Variants in COL28A1 observed in about 807,000 individuals in gnomAD.
COL28A1 encodes the protein collagen alpha-1(XXVIII) chain.
COL28A1 carries 161 observed loss-of-function variants against 150.2 expected under a neutral mutation model. That is an observed-to-expected ratio of 1.07 (90% confidence interval 0.94 to 1.22). The LOEUF is 1.22. Among genes scored for constraint, COL28A1 ranks in the 50% most tolerant of loss-of-function variants. The probability of loss-of-function intolerance (pLI) is 0.00; values close to 1 mark genes in which losing one functional copy is unlikely to be tolerated. For missense variants in COL28A1, 1,617 were observed against 1,388.3 expected (o/e 1.16, Z -2.62); for synonymous variants, 552 against 469.7 (o/e 1.18, Z -2.26).
At chr7:7,499,717 A>G (rs2115086736) in intron 11 of COL28A1, among the ~76,000 whole-genome samples, 1 of 152,308 alleles carries the variant, frequency 6.6e-6, no homozygotes, top group African/African-American at 2.4e-5. Flanking sequence ...AAAGTTTAAA[A>G]TTCTTTATAA....
the COL28A1 span, among the ~76,000 whole-genome samples, chr7:7,350,225 G>C: frequency 6.6e-6 from 1 of 152,080 alleles, no homozygotes; most frequent in African/African-American, 2.4e-5. Flanking sequence ...AGATAGACCA[G>C]ACCCACTGAG....
chr7:7,494,963 T>C (rs1780123835), intron 11 of COL28A1, among the ~76,000 whole-genome samples: 1 of 152,038 alleles, frequency 6.6e-6, no homozygotes. Context: ...AGGCTTAAAA[T>C]GGTGTTAAAT....
intron 18 of COL28A1, among the ~76,000 whole-genome samples, chr7:7,449,487 G>GTCATT (rs1786514581): frequency 6.6e-6 from 1 of 151,758 alleles, no homozygotes; most frequent in Non-Finnish European, 1.5e-5. Flanking sequence ...TTCTTTTGAA[G>GTCATT]TCATTTCTTT....
chr7:7,541,306 G>A, the COL28A1 span, among the ~76,000 whole-genome samples: 1 of 151,948 alleles, frequency 6.6e-6, no homozygotes, highest in East Asian at 1.9e-4. Context: ...AAGGGGACTT[G>A]AGGTGAATTT....
intron 27 of COL28A1, among the ~76,000 whole-genome samples, chr7:7,405,323 T>C (rs1290129369): frequency 1.3e-5 from 2 of 152,162 alleles, no homozygotes; most frequent in Non-Finnish European, 2.9e-5. Flanking sequence ...ATATGATTGT[T>C]CACAAAATCA....
At chr7:7,454,422 G>T (rs1786969564) in intron 16 of COL28A1, among the ~76,000 whole-genome samples, 1 of 152,092 alleles carries the variant, frequency 6.6e-6, no homozygotes, top group Admixed American at 6.6e-5. Context: ...TTCTTGCTCA[G>T]ATCATTTTAC....
chr7:7,437,569 AC>A, intron 21 of COL28A1, 107 bp from the exon 22 acceptor site: 1 of 1,405,996 alleles, frequency 7.1e-7, no homozygotes, highest in Non-Finnish European at 9.3e-7. Flanking sequence ...TTATGTTATG[AC>A]CTCTATCTGT....
intron 1 of COL28A1, among the ~76,000 whole-genome samples, chr7:7,534,424 A>G (rs1782535917): frequency 6.6e-6 from 1 of 152,188 alleles, no homozygotes; most frequent in Non-Finnish European, 1.5e-5. Context: ...AGGTTAGTGT[A>G]AAGATAAGGC....
At chr7:7,496,035 C>T (rs1189040956) in intron 11 of COL28A1, among the ~76,000 whole-genome samples, 3 of 152,158 alleles carry the variant, frequency 2.0e-5, no homozygotes, top group African/African-American at 7.2e-5. Flanking sequence ...TTCTGTCTGT[C>T]TGGGATGCTC....
At chr7:7,368,218 A>G (rs1490431991) in intron 33 of COL28A1, among the ~76,000 whole-genome samples, 1 of 152,040 alleles carries the variant, frequency 6.6e-6, no homozygotes, top group Non-Finnish European at 1.5e-5. Flanking sequence ...CCTATAGATG[A>G]AGTTCAAGCT....
At chr7:7,424,395 A>T (rs1037392190) in intron 25 of COL28A1, among the ~76,000 whole-genome samples, 8 of 152,146 alleles carry the variant, frequency 5.3e-5, no homozygotes, top group African/African-American at 1.9e-4. Flanking sequence ...TTGCTTGGCC[A>T]TTTGACGGCA....
intron 27 of COL28A1, among the ~76,000 whole-genome samples, chr7:7,384,572 T>C (rs1248099747): frequency 3.3e-5 from 5 of 152,210 alleles, no homozygotes; most frequent in Non-Finnish European, 7.3e-5. Context: ...TCTCCTACTG[T>C]GCCTAATTTT....
intron 11 of COL28A1, among the ~76,000 whole-genome samples, chr7:7,503,005 T>G (rs1780620151): frequency 6.6e-6 from 1 of 152,170 alleles, no homozygotes; most frequent in East Asian, 1.9e-4. Flanking sequence ...TTCCTGCACT[T>G]TCAGATGAAG....
At chr7:7,491,386 A>G (rs1779905790) in intron 11 of COL28A1, among the ~76,000 whole-genome samples, 1 of 152,168 alleles carries the variant, frequency 6.6e-6, no homozygotes, top group Non-Finnish European at 1.5e-5. Flanking sequence ...TCTTGTAACT[A>G]TGAGGCAGCA....
At chr7:7,487,569 C>G (rs969958253) in intron 13 of COL28A1, among the ~76,000 whole-genome samples, 4 of 152,042 alleles carry the variant, frequency 2.6e-5, no homozygotes, top group African/African-American at 9.7e-5. Flanking sequence ...CAGAGCAAGA[C>G]TCTCTTAAAA....
chr7:7,464,872 G>C (rs1583438309), intron 15 of COL28A1, among the ~76,000 whole-genome samples: 2 of 152,150 alleles, frequency 1.3e-5, no homozygotes, highest in East Asian at 3.9e-4. Context: ...TCTTTGAAAA[G>C]ATAAATTGAT....
intron 11 of COL28A1, 125 bp from the exon 12 acceptor site, chr7:7,490,771 C>G (rs369657668): frequency 4.1e-6 from 2 of 492,062 alleles, no homozygotes. Flanking sequence ...GTACATCGTG[C>G]CTGCCCTCAA....
At chr7:7,498,465 G>A (rs1780338622) in intron 11 of COL28A1, among the ~76,000 whole-genome samples, 1 of 152,152 alleles carries the variant, frequency 6.6e-6, no homozygotes, top group Non-Finnish European at 1.5e-5. Context: ...GCTGGGAGGA[G>A]GGAAACATGG....
intron 34 of COL28A1, among the ~76,000 whole-genome samples, chr7:7,359,360 C>A (rs1251918561): frequency 2.0e-5 from 3 of 151,790 alleles, no homozygotes; most frequent in Admixed American, 6.6e-5. Flanking sequence ...GCAGCTCTTG[C>A]AGGACACTAA....
Sources: allele counts gnomAD v4.1 joint callset (sites outside exome capture counted in the v4.1 genomes callset), GRCh38; gene constraint gnomAD v4.1.1; transcripts MANE v1.5; gene names NCBI Gene and HGNC (gene_info 2026-07-23, HGNC 2026-07-21).